CRLF3: variants seen among roughly 807,000 people sequenced by gnomAD.
The protein encoded by CRLF3 is cytokine receptor-like factor 3.
Under a neutral mutation model 55.0 loss-of-function variants are expected in CRLF3, and 33 were observed. The observed-to-expected ratio is 0.60, with a 90% CI of 0.46 to 0.80. The LOEUF (loss-of-function observed/expected upper bound fraction) is 0.80. CRLF3 is among the 30% of genes least tolerant of loss of function. CRLF3 has a pLI of 0.00. For missense variants in CRLF3, 494 were observed against 538.4 expected, an observed-to-expected ratio of 0.92 and a Z score of 0.82; for synonymous variants, 238 against 196.8, an observed-to-expected ratio of 1.21 and a Z score of -1.75.
chr17:30,790,856 T>G (rs940692545), intron 6 of CRLF3: 4 of 152,272 alleles, frequency 2.6e-5, no homozygotes, highest in Admixed American at 2.6e-4. Context: ...GACCTCGTGA[T>G]CTGCCCACCT....
intron 1 of CRLF3, among the ~76,000 whole-genome samples, chr17:30,815,549 T>TC (rs1904771475): frequency 6.7e-6 from 1 of 148,414 alleles, no homozygotes; most frequent in East Asian, 2.0e-4. Context: ...TTCTTTTTTT[T>TC]TTTTTTTTTT....
intron 1 of CRLF3, among the ~76,000 whole-genome samples, chr17:30,807,284 A>C (rs771131989): frequency 1.3e-5 from 2 of 152,154 alleles, no homozygotes; most frequent in Non-Finnish European, 2.9e-5. Context: ...CCACCAAGAA[A>C]GAACATATCA....
chr17:30,784,140 G>C lies in CRLF3; in HGVS notation c.*47C>G. 6.4e-7 allele frequency: 1 copy of C among 1,563,060 alleles called. No individual in the cohort carries two copies. The highest frequency in any genetic ancestry group is 8.7e-7 in the Non-Finnish European group (1 of 1,149,456). ...AGCAATTACAACTACGCTGGGCTGA[G>C]GACAGCTACGTTAGACCCTGAAAAC... On this transcript the variant is annotated 3_prime_UTR_variant, in exon 8 of 8. Coordinates refer to ENST00000324238, the MANE Select transcript of CRLF3 (RefSeq NM_015986.4).
At position 30,793,008 on chromosome 17, in the gene CRLF3, T is replaced by C. The variant is rs1971844149; in HGVS notation, c.827-436A>G. Among the ~76,000 whole-genome samples, 6 of 149,260 alleles carry C rather than the reference T, an allele frequency of 4.0e-5. No individual in the cohort carries two copies. In the Admixed American group the frequency reaches 4.0e-4, roughly 10 times the overall value. On this transcript the variant is annotated intron_variant, in intron 5 of 7. Coordinates refer to ENST00000324238, the MANE Select transcript of CRLF3 (RefSeq NM_015986.4). ...CCAGTCTCTAGAAAAAAATAAAAAA[T>C]TAGCCAGGTGTGGTGTGCATGCAGG...
chr17:30,784,030 C>T lies in CRLF3; in HGVS notation c.*157G>A, dbSNP rs1192180992. ...ATGATTTTGTCCACAACATTGAAGT[C>T]TCTTTTTGCTAAAATATTACAAAAT... On this transcript the variant is annotated 3_prime_UTR_variant, in exon 8 of 8. Coordinates refer to ENST00000324238, the MANE Select transcript of CRLF3 (RefSeq NM_015986.4). 2 of 638,730 alleles carry T rather than the reference C, an allele frequency of 3.1e-6. No individual in the cohort carries two copies. The highest frequency in any genetic ancestry group is 2.7e-6 in the Non-Finnish European group (1 of 374,876). 39.6% of individuals were successfully genotyped at this position (638,730 alleles called of 1,614,324 possible).
chr17:30,814,216 C>T (rs1904711751), intron 1 of CRLF3, among the ~76,000 whole-genome samples: 1 of 152,138 alleles, frequency 6.6e-6, no homozygotes, highest in Non-Finnish European at 1.5e-5. Context: ...GAGACTGAGA[C>T]ACTGCACTCC....
At position 30,786,001 on chromosome 17, in the gene CRLF3, T is replaced by G. The variant is rs1365443768; in HGVS notation, c.990A>C (p.Arg330Ser). The change falls in exon 7 of 8, where the codon AGA becomes AGC. Residue 330 changes from arginine (R) to serine (S), a missense_variant. By Grantham distance (110) the Arg-to-Ser change is moderately radical. Transcript: ENST00000324238. The part of the protein sequence containing the change: ...RVETVGQPDR[R>S]DSIGVCAEKQ... ...TTTCTGCACACACTCCTATGCTATC[T>G]CTTCTGTCTGGCTGTCCCACAGTTT... 8.1e-6 allele frequency: 13 copies of G among 1,611,460 alleles called. No individual in the cohort carries two copies. Among genetic ancestry groups the G allele is most frequent in the Non-Finnish European group, 1.1e-5 (13 of 1,177,862 alleles).
At chr17:30,788,258 G>GT (rs1441058755) in intron 6 of CRLF3, among the ~76,000 whole-genome samples, 2 of 151,112 alleles carry the variant, frequency 1.3e-5, no homozygotes, top group African/African-American at 2.4e-5. Context: ...AACCTGAGAG[G>GT]TGGAGGTTGC....
intron 1 of CRLF3, among the ~76,000 whole-genome samples, chr17:30,820,259 T>C (rs1167082532): frequency 6.6e-6 from 1 of 152,244 alleles, no homozygotes; most frequent in African/African-American, 2.4e-5. Context: ...GAGGAGAAAC[T>C]GCTACATGTT....
chr17:30,795,172 A>G (rs535384206), intron 4 of CRLF3, among the ~76,000 whole-genome samples: 7 of 152,186 alleles, frequency 4.6e-5, no homozygotes, highest in African/African-American at 1.7e-4. Flanking sequence ...AAAAAAAGAA[A>G]AAAAAATTTC....
chr17:30,800,677 C>T (rs530138877), intron 2 of CRLF3, among the ~76,000 whole-genome samples: 2 of 151,938 alleles, frequency 1.3e-5, no homozygotes, highest in East Asian at 1.9e-4. Context: ...CTCTGTTGCC[C>T]AGGCTGGAGT....
chr17:30,790,255 G>GACTT (rs1301551191), intron 6 of CRLF3, among the ~76,000 whole-genome samples: 1 of 151,938 alleles, frequency 6.6e-6, no homozygotes, highest in African/African-American at 2.4e-5. Flanking sequence ...CCCATCTCAA[G>GACTT]ACTTAAAACT....
chr17:30,819,052 T>C (rs1368589496), intron 1 of CRLF3, among the ~76,000 whole-genome samples: 1 of 148,750 alleles, frequency 6.7e-6, no homozygotes, highest in Non-Finnish European at 1.5e-5. Context: ...CCTGATCTCA[T>C]GTGATCCACC....
At chr17:30,797,171 G>A (rs1971931135) in intron 3 of CRLF3, 140 bp downstream of exon 3, 1 of 680,684 alleles carries the variant, frequency 1.5e-6, no homozygotes, top group Non-Finnish European at 2.5e-6. Flanking sequence ...GATTACAGGT[G>A]TAAACCACCA....
intron 2 of CRLF3, among the ~76,000 whole-genome samples, chr17:30,800,282 T>C (rs1434906383): frequency 6.6e-6 from 1 of 152,182 alleles, no homozygotes; most frequent in Non-Finnish European, 1.5e-5. Flanking sequence ...TTGTACTTAT[T>C]CCAATAGATT....
intron 5 of CRLF3, 96 bp downstream of exon 5, chr17:30,793,354 T>A (rs770358623): frequency 1.2e-6 from 1 of 862,334 alleles, no homozygotes; most frequent in African/African-American, 1.7e-5. Context: ...GGATCTATGC[T>A]TAGAATAGCT....
chr17:30,785,795 AAG>A (rs1283620526), intron 7 of CRLF3, 122 bp downstream of exon 7: 4 of 577,980 alleles, frequency 6.9e-6, no homozygotes, highest in South Asian at 2.3e-5. Flanking sequence ...AAAAAAAAAA[AAG>A]AAAAAGAAAA....
At chr17:30,792,181 T>C (rs1971816921) in intron 6 of CRLF3, among the ~76,000 whole-genome samples, 1 of 152,042 alleles carries the variant, frequency 6.6e-6, no homozygotes, top group Non-Finnish European at 1.5e-5. Flanking sequence ...TCTACTTACC[T>C]CTACTTACCA....
chr17:30,800,171 C>G (rs1299382021), intron 2 of CRLF3, among the ~76,000 whole-genome samples: 1 of 152,172 alleles, frequency 6.6e-6, no homozygotes, highest in Non-Finnish European at 1.5e-5. Flanking sequence ...AGTCTCCTTC[C>G]CTAGCTCCTT....
Sources: allele counts gnomAD v4.1 joint callset (sites outside exome capture counted in the v4.1 genomes callset), GRCh38; gene constraint gnomAD v4.1.1; transcripts MANE v1.5; gene names NCBI Gene and HGNC (gene_info 2026-07-23, HGNC 2026-07-21).